Variants in JAZF1 observed in about 807,000 individuals in gnomAD.
JAZF1 encodes JAZF zinc finger 1.
A neutral mutation model predicts 26.4 loss-of-function variants in JAZF1; 8 were observed. The observed-to-expected ratio is 0.30, with a 90% CI of 0.18 to 0.55. The LOEUF is 0.55. JAZF1 is among the 20% of genes least tolerant of loss of function. The probability of loss-of-function intolerance (pLI) is 0.94; values close to 1 mark genes in which losing one functional copy is unlikely to be tolerated. For missense variants in JAZF1, 199 were observed against 322.0 expected (o/e 0.62, Z 2.92); for synonymous variants, 126 against 122.3 (o/e 1.03, Z -0.20).
At chr7:28,061,449 C>T (rs1343793996) in intron 1 of JAZF1, among the ~76,000 whole-genome samples, 1 of 152,182 alleles carries the variant, frequency 6.6e-6, no homozygotes, top group African/African-American at 2.4e-5. Context: ...AGACACACTC[C>T]GCTGAACACT....
chr7:27,953,300 A>AAGGG (rs2128355270), intron 2 of JAZF1, among the ~76,000 whole-genome samples: 1 of 152,362 alleles, frequency 6.6e-6, no homozygotes, highest in Admixed American at 6.5e-5. Flanking sequence ...TTTGTTAACT[A>AAGGG]TAGCCAAGAG....
intron 1 of JAZF1, among the ~76,000 whole-genome samples, chr7:28,045,518 A>G (rs993903406): frequency 6.6e-6 from 1 of 151,982 alleles, no homozygotes; most frequent in Non-Finnish European, 1.5e-5. Flanking sequence ...GCTAGAGAGG[A>G]TACACAGAAT....
At chr7:28,092,433 GC>G (rs1379221084) in intron 1 of JAZF1, among the ~76,000 whole-genome samples, 5 of 150,974 alleles carry the variant, frequency 3.3e-5, no homozygotes, top group Admixed American at 3.3e-4. Context: ...GTTGGACTGA[GC>G]TTTGATGTTA....
At chr7:27,947,008 A>G (rs1373857733) in intron 2 of JAZF1, among the ~76,000 whole-genome samples, 2 of 152,230 alleles carry the variant, frequency 1.3e-5, no homozygotes, top group African/African-American at 4.8e-5. Context: ...TCAATCAGAA[A>G]TGGTCCTGAA....
chr7:28,014,381 T>A (rs1008886677), intron 1 of JAZF1, among the ~76,000 whole-genome samples: 1 of 152,210 alleles, frequency 6.6e-6, no homozygotes, highest in African/African-American at 2.4e-5. Flanking sequence ...ATGGTTTGGC[T>A]GTGTCCCCAC....
Position 28,154,977 on chromosome 7 carries a change from G to C in JAZF1, c.115+25486C>G, listed in dbSNP as rs575451725. 2.0e-5 allele frequency among the ~76,000 whole-genome samples: 3 copies of C among 152,148 alleles called. No homozygotes were observed. In the East Asian group the frequency reaches 5.8e-4, roughly 29 times the overall value. ...AAGTAAAAGCTTAGAAGTAGATACA[G>C]TAAGATATTTGCAATTGCTATCTGC... On this transcript the variant is annotated intron_variant, in intron 1 of 4. Transcript: ENST00000283928.
chr7:27,979,493 A>G lies in JAZF1; in HGVS notation c.188+12416T>C, dbSNP rs145213304. The stretch of plus-strand genomic sequence containing the variant: ...AGCCTTGAACTCCTGGGCTCAAGCA[A>G]TCCTCTCATCTCAGCCTCCAAAACA... On this transcript the variant is annotated intron_variant, in intron 2 of 4. Coordinates refer to ENST00000283928, the MANE Select transcript of JAZF1 (RefSeq NM_175061.4). Among the ~76,000 whole-genome samples the G allele has an allele frequency of 3.1e-3, 454 of 147,728 alleles. 1 individual carries two copies. The highest frequency in any genetic ancestry group is 0.011 in the African/African-American group (433 of 39,946).
At chr7:27,945,173 A>G (rs930302834) in intron 2 of JAZF1, among the ~76,000 whole-genome samples, 2 of 152,138 alleles carry the variant, frequency 1.3e-5, no homozygotes, top group Non-Finnish European at 2.9e-5. Context: ...CCGGGGTTTA[A>G]GCACACCGCT....
intron 3 of JAZF1, among the ~76,000 whole-genome samples, chr7:27,851,446 T>G (rs1471291565): frequency 1.3e-5 from 2 of 152,034 alleles, no homozygotes; most frequent in East Asian, 3.9e-4. Flanking sequence ...GGCAGAAGTT[T>G]GAAACCAGCC....
intron 3 of JAZF1, among the ~76,000 whole-genome samples, chr7:27,855,484 A>C (rs1012769915): frequency 2.6e-5 from 4 of 152,164 alleles, no homozygotes; most frequent in African/African-American, 9.7e-5. Context: ...ACTAATAAGA[A>C]AAGAGAGAAG....
Position 28,180,780 on chromosome 7 carries a change from A to T in JAZF1, c.-203T>A, listed in dbSNP as rs1415908764. On this transcript the variant is annotated 5_prime_UTR_variant, in exon 1 of 5. Transcript: ENST00000283928. ...GAGGAGCCACCGGGAGGCAGAGGGG[A>T]GGCGGCGGCTGCGGCGGCGGCGTCG... The T allele has an allele frequency of 1.0e-5, 1 of 95,970 alleles. No homozygotes were observed. The highest frequency in any genetic ancestry group is 2.1e-5 in the Non-Finnish European group (1 of 46,864). 5.9% of individuals were successfully genotyped at this position (95,970 alleles called of 1,614,324 possible).
chr7:27,907,941 A>C (rs147076572), intron 2 of JAZF1, among the ~76,000 whole-genome samples: 117 of 152,324 alleles, frequency 7.7e-4, no homozygotes, highest in Non-Finnish European at 1.4e-3. Flanking sequence ...GGTGACATGT[A>C]AGCTGAAAGT....
At chr7:27,898,304 T>TATATATATATATAC (rs375859244) in intron 2 of JAZF1, among the ~76,000 whole-genome samples, 11 of 128,922 alleles carry the variant, frequency 8.5e-5, no homozygotes, top group South Asian at 7.2e-4. Context: ...TATATATATA[T>TATATATATATATAC]ACATCGGTTT....
chr7:27,897,914 TAAG>T (rs1248358332), intron 2 of JAZF1, among the ~76,000 whole-genome samples: 1 of 152,168 alleles, frequency 6.6e-6, no homozygotes, highest in Non-Finnish European at 1.5e-5. Context: ...GTTCACAACC[TAAG>T]AAGGTGACTT....
chr7:27,950,029 G>C (rs932827735), intron 2 of JAZF1, among the ~76,000 whole-genome samples: 11 of 152,104 alleles, frequency 7.2e-5, no homozygotes, highest in Admixed American at 1.3e-4. Flanking sequence ...TGCTTTTCAC[G>C]ATACTTTTGA....
intron 2 of JAZF1, among the ~76,000 whole-genome samples, chr7:27,900,731 T>C (rs1784150531): frequency 6.6e-6 from 1 of 152,220 alleles, no homozygotes; most frequent in Admixed American, 6.5e-5. Flanking sequence ...AAAAGTAATA[T>C]ATCTCAGTAA....
chr7:27,951,068 G>A (rs915476487), intron 2 of JAZF1, among the ~76,000 whole-genome samples: 2 of 152,008 alleles, frequency 1.3e-5, no homozygotes, highest in Non-Finnish European at 2.9e-5. Flanking sequence ...ATTCTTTTAG[G>A]ATGGTGAACC....
intron 3 of JAZF1, among the ~76,000 whole-genome samples, chr7:27,864,418 C>T (rs925868023): frequency 1.3e-5 from 2 of 152,192 alleles, no homozygotes; most frequent in African/African-American, 4.8e-5. Context: ...TGCCAGGCCC[C>T]TTCATCCTTT....
At chr7:28,138,251 A>C (rs563782656) in intron 1 of JAZF1, among the ~76,000 whole-genome samples, 2 of 152,378 alleles carry the variant, frequency 1.3e-5, no homozygotes, top group South Asian at 4.1e-4. Context: ...TGGAAGCAGG[A>C]GCCACAAGCT....
Sources: allele counts gnomAD v4.1 joint callset (sites outside exome capture counted in the v4.1 genomes callset), GRCh38; gene constraint gnomAD v4.1.1; transcripts MANE v1.5; gene names NCBI Gene and HGNC (gene_info 2026-07-23, HGNC 2026-07-21).